CCDC158: variants seen among roughly 807,000 people sequenced by gnomAD.
CCDC158 encodes the protein coiled-coil domain-containing protein 158.
A neutral mutation model predicts 138.6 loss-of-function variants in CCDC158; 116 were observed. The ratio of observed to expected loss-of-function variants is 0.84; its 90% CI spans 0.72 to 0.98. CCDC158 has a LOEUF of 0.98. Among genes scored for constraint, CCDC158 ranks in the 50% least tolerant of loss-of-function variants. The pLI is 0.00. For missense variants in CCDC158, 1,265 were observed against 1,306.1 expected (o/e 0.97, Z 0.48); for synonymous variants, 436 against 442.4 (o/e 0.99, Z 0.18).
intron 4 of CCDC158, among the ~76,000 whole-genome samples, chr4:76,389,063 T>C (rs1165153406): frequency 6.6e-6 from 1 of 151,994 alleles, no homozygotes; most frequent in Non-Finnish European, 1.5e-5. Flanking sequence ...AAAGTACATC[T>C]ACAAGCATCA....
At chr4:76,341,637 C>T (rs887570360) in intron 18 of CCDC158, among the ~76,000 whole-genome samples, 2 of 152,048 alleles carry the variant, frequency 1.3e-5, no homozygotes, top group African/African-American at 4.8e-5. Context: ...TTAAAATAGC[C>T]TGTATTTGAA....
intron 18 of CCDC158, among the ~76,000 whole-genome samples, chr4:76,346,105 T>A (rs1484751796): frequency 6.6e-6 from 1 of 152,176 alleles, no homozygotes; most frequent in Non-Finnish European, 1.5e-5. Flanking sequence ...AACCATCTGA[T>A]CTTTGACAAA....
At chr4:76,357,986 T>C (rs1183736123) in intron 13 of CCDC158, among the ~76,000 whole-genome samples, 2 of 104,930 alleles carry the variant, frequency 1.9e-5, no homozygotes, top group Admixed American at 1.2e-4. Context: ...AATACACACA[T>C]GTGTGCACAC....
At position 76,367,645 on chromosome 4, in the gene CCDC158, G is replaced by C; in HGVS notation, c.1479C>G (p.Ser493Arg). 2 of 1,614,180 alleles carry C rather than the reference G, an allele frequency of 1.2e-6. No homozygotes were observed. The highest frequency in any genetic ancestry group is 1.7e-6 in the Non-Finnish European group (2 of 1,180,024). The change falls in exon 12 of 25, where the codon AGC becomes AGG. Residue 493 changes from serine to arginine, a missense_variant. By Grantham distance (110) the Ser-to-Arg change is moderately radical (BLOSUM62 -1). Coordinates refer to ENST00000682701, the MANE Select transcript of CCDC158 (RefSeq NM_001394954.1). ...ELTAKKMTLE[S>R]SERTISDLTT... ...TCAGGTCCGATATTGTCCTCTCTGA[G>C]CTCTCCAGAGTCATTTTCTTGGCTG... is the stretch of plus-strand genomic sequence containing the variant.
At chr4:76,366,031 TAAA>T (rs1468037590) in intron 12 of CCDC158, among the ~76,000 whole-genome samples, 1 of 152,212 alleles carries the variant, frequency 6.6e-6, no homozygotes, top group Non-Finnish European at 1.5e-5. Flanking sequence ...TTGTGAGGAT[TAAA>T]TTGATTTAAG....
chr4:76,374,468 G>C (rs1269737045), intron 9 of CCDC158, among the ~76,000 whole-genome samples: 2 of 152,130 alleles, frequency 1.3e-5, no homozygotes, highest in Non-Finnish European at 1.5e-5. Context: ...AACACCTTAG[G>C]TTCTTGTCTA....
At chr4:76,330,225 C>A (rs1720896351) in intron 21 of CCDC158, among the ~76,000 whole-genome samples, 1 of 152,060 alleles carries the variant, frequency 6.6e-6, no homozygotes, top group Admixed American at 6.6e-5. Flanking sequence ...GCTCAGGAGC[C>A]AGCTAAACCT....
rs1212704173 is a variant in CCDC158, at chr4:76,367,513, T to G, written c.1611A>C (p.Lys537Asn). The change falls in exon 12 of 25, where the codon AAA becomes AAC. Residue 537 changes from lysine to asparagine, a missense_variant. Transcript: ENST00000682701. ...DLKLQELQHL[K>N]NEGDHLRNVQ... ...CATTTCTGAGATGATCCCCTTCATT[T>G]TTCAAGTGTTGCAGCTCCTGCAATT... 1 of 1,614,252 alleles carries G rather than the reference T, an allele frequency of 6.2e-7. No homozygotes were observed. The highest frequency in any genetic ancestry group is 8.5e-7 in the Non-Finnish European group (1 of 1,180,040).
intron 18 of CCDC158, among the ~76,000 whole-genome samples, chr4:76,335,061 G>A (rs1721352803): frequency 6.6e-6 from 1 of 152,164 alleles, no homozygotes; most frequent in East Asian, 1.9e-4. Context: ...TGCTAAGTAT[G>A]TCTTTCCAGT....
rs551623195 is a variant in CCDC158 at position 76,369,208 on chromosome 4, C to T, written c.1347+218G>A. 2.8e-3 allele frequency among the ~76,000 whole-genome samples: 416 copies of T among 151,112 alleles called. 2 individuals are homozygous for T. The highest frequency in any genetic ancestry group is 9.3e-3 in the African/African-American group (378 of 40,852). The stretch of plus-strand genomic sequence containing the variant: ...CCAGCCTGGGTGACAGAGGAAGACG[C>T]CATCTAAAAATAAATAAATAAATAA... On this transcript the variant is annotated intron_variant, in intron 11 of 24. Transcript: ENST00000682701.
intron 4 of CCDC158, among the ~76,000 whole-genome samples, chr4:76,386,922 A>C (rs1279999748): frequency 6.6e-6 from 1 of 152,200 alleles, no homozygotes; most frequent in African/African-American, 2.4e-5. Context: ...TCAGAACTCG[A>C]GTTTCTCAGC....
intron 24 of CCDC158, among the ~76,000 whole-genome samples, chr4:76,321,124 A>C (rs1300123842): frequency 6.6e-6 from 1 of 152,232 alleles, no homozygotes; most frequent in African/African-American, 2.4e-5. Context: ...CAATTCTCAA[A>C]AGAAGATACA....
At chr4:76,323,550 C>CTT in intron 23 of CCDC158, 141 bp from the exon 24 acceptor site, 1 of 579,498 alleles carries the variant, frequency 1.7e-6, no homozygotes. Context: ...AGCTATAACA[C>CTT]TTAAAGGAAA....
At chr4:76,341,480 G>A (rs945578437) in intron 18 of CCDC158, among the ~76,000 whole-genome samples, 19 of 152,108 alleles carry the variant, frequency 1.2e-4, no homozygotes, top group Non-Finnish European at 2.2e-4. Context: ...AAAAAGTTAC[G>A]AAGCATTGCT....
At chr4:76,353,594 A>T (rs1171880905) in intron 15 of CCDC158, among the ~76,000 whole-genome samples, 1 of 152,256 alleles carries the variant, frequency 6.6e-6, no homozygotes, top group Non-Finnish European at 1.5e-5. Flanking sequence ...AAATAATCGT[A>T]TATCAAATTT....
At chr4:76,383,845 C>A in intron 6 of CCDC158, 107 bp from the exon 7 acceptor site, 1 of 819,322 alleles carries the variant, frequency 1.2e-6, no homozygotes, top group Non-Finnish European at 2.0e-6. Flanking sequence ...AAAAATAATA[C>A]TAAAATCAGA....
At chr4:76,351,878 A>T (rs1183499916) in intron 16 of CCDC158, 66 bp from the exon 17 acceptor site, 1 of 947,174 alleles carries the variant, frequency 1.1e-6, no homozygotes, top group Non-Finnish European at 1.7e-6. Context: ...TTATTAACCT[A>T]TGAATGCAGA....
intron 19 of CCDC158, among the ~76,000 whole-genome samples, chr4:76,333,123 G>A (rs375503740): frequency 6.6e-6 from 1 of 152,204 alleles, no homozygotes; most frequent in East Asian, 1.9e-4. Flanking sequence ...GTTATGCTAA[G>A]GTAACTGGAC....
At chr4:76,420,383 A>G (rs1318174695) in intron 1 of CCDC158, among the ~76,000 whole-genome samples, 2 of 152,208 alleles carry the variant, frequency 1.3e-5, no homozygotes, top group Admixed American at 1.3e-4. Context: ...GGAGTTCAGC[A>G]TGAGGCACAA....
Sources: allele counts gnomAD v4.1 joint callset (sites outside exome capture counted in the v4.1 genomes callset), GRCh38; gene constraint gnomAD v4.1.1; transcripts MANE v1.5; gene names NCBI Gene and HGNC (gene_info 2026-07-23, HGNC 2026-07-21).